GABBR2: variants seen among roughly 807,000 people sequenced by gnomAD.
GABBR2 encodes the protein G-protein coupled receptor 51.
A neutral mutation model predicts 105.6 loss-of-function variants in GABBR2; 23 were observed. That is an observed-to-expected ratio of 0.22 (90% confidence interval 0.16 to 0.31). The LOEUF is 0.31. Among genes scored for constraint, GABBR2 ranks in the 10% least tolerant of loss-of-function variants. The probability of loss-of-function intolerance (pLI) is 1.00; values close to 1 mark genes in which losing one functional copy is unlikely to be tolerated. For synonymous variants in GABBR2, 478 were observed against 499.7 expected (o/e 0.96, Z 0.58); for missense variants, 734 against 1,245.5 (o/e 0.59, Z 6.18).
At chr9:98,346,235 A>G (rs1831301903) in intron 13 of GABBR2, among the ~76,000 whole-genome samples, 1 of 152,236 alleles carries the variant, frequency 6.6e-6, no homozygotes, top group Admixed American at 6.5e-5. Context: ...TTTTACCCAC[A>G]GTAGAACTTT....
At chr9:98,648,155 A>AGATAGATAGATG (rs1342410321) in intron 1 of GABBR2, among the ~76,000 whole-genome samples, 76 of 151,298 alleles carry the variant, frequency 5.0e-4, no homozygotes, top group African/African-American at 1.7e-3. Context: ...ATAGATAGAT[A>AGATAGATAGATG]GAGTCTTACT....
At chr9:98,334,094 C>A (rs1831073588) in intron 13 of GABBR2, among the ~76,000 whole-genome samples, 1 of 152,182 alleles carries the variant, frequency 6.6e-6, no homozygotes, top group African/African-American at 2.4e-5. Flanking sequence ...TGTTGAAATC[C>A]TAGAAGAAGG....
At chr9:98,367,294 T>C (rs956512853) in intron 12 of GABBR2, among the ~76,000 whole-genome samples, 8 of 95,690 alleles carry the variant, frequency 8.4e-5, no homozygotes, top group Non-Finnish European at 1.4e-4. Flanking sequence ...AGTATATATG[T>C]CAGTAAAAAA....
At chr9:98,353,542 T>C (rs370516509) in intron 13 of GABBR2, among the ~76,000 whole-genome samples, 4 of 152,248 alleles carry the variant, frequency 2.6e-5, no homozygotes, top group African/African-American at 9.6e-5. Context: ...TCTCTATCTA[T>C]GGCACCTATA....
chr9:98,623,242 C>T (rs2778915), intron 1 of GABBR2, among the ~76,000 whole-genome samples: 36,743 of 151,986 alleles, frequency 0.24, 5,235 homozygotes, highest in East Asian at 0.48. Context: ...CTGGGCAACA[C>T]GGTAAAACCC....
At chr9:98,500,477 C>T (rs1588197750) in intron 3 of GABBR2, among the ~76,000 whole-genome samples, 1 of 152,306 alleles carries the variant, frequency 6.6e-6, no homozygotes, top group South Asian at 2.1e-4. Flanking sequence ...TGTGAGCAGG[C>T]ACCAACGGCT....
intron 6 of GABBR2, among the ~76,000 whole-genome samples, chr9:98,459,694 A>C (rs774047912): frequency 1.4e-4 from 21 of 152,384 alleles, no homozygotes; most frequent in Admixed American, 5.9e-4. Context: ...AGAGTTTAAT[A>C]GTATTGGGAA....
chr9:98,519,828 G>C (rs1320796986), intron 3 of GABBR2, among the ~76,000 whole-genome samples: 1 of 152,016 alleles, frequency 6.6e-6, no homozygotes, highest in African/African-American at 2.4e-5. Flanking sequence ...CAAATGAATG[G>C]GTGTGGCTAT....
intron 13 of GABBR2, among the ~76,000 whole-genome samples, chr9:98,317,431 T>G (rs1830737759): frequency 6.6e-6 from 1 of 152,216 alleles, no homozygotes; most frequent in Non-Finnish European, 1.5e-5. Flanking sequence ...CTGCACAAAC[T>G]GACAGGCAGG....
rs138221797 is a variant in GABBR2 at position 98,629,525 on chromosome 9, C to G, written c.322-51453G>C. Among the ~76,000 whole-genome samples the G allele has an allele frequency of 1.8e-3, 273 of 152,348 alleles. 2 individuals carry two copies. The highest frequency in any genetic ancestry group is 6.2e-3 in the African/African-American group (258 of 41,582). ...CAATAGCTTCAACATTCTCTGCCCA[C>G]AGATATTAACTGGATATAGTAGACA... On this transcript the variant is annotated intron_variant, in intron 1 of 18. Transcript: ENST00000259455.
intron 1 of GABBR2, among the ~76,000 whole-genome samples, chr9:98,622,132 A>ATATTT (rs568569955): frequency 9.8e-4 from 149 of 152,090 alleles, no homozygotes; most frequent in Non-Finnish European, 1.7e-3. Flanking sequence ...CAACTCACAT[A>ATATTT]TATTTTATTT....
intron 3 of GABBR2, among the ~76,000 whole-genome samples, chr9:98,523,291 A>G (rs1827900863): frequency 1.3e-5 from 2 of 152,248 alleles, no homozygotes; most frequent in South Asian, 4.1e-4. Flanking sequence ...AAGCACAGCC[A>G]GTAAGAATCC....
intron 1 of GABBR2, among the ~76,000 whole-genome samples, chr9:98,611,880 T>C (rs554542831): frequency 1.3e-5 from 2 of 151,398 alleles, no homozygotes; most frequent in Non-Finnish European, 3.0e-5. Context: ...TGAATGGCAA[T>C]TGACCGAGGA....
intron 1 of GABBR2, among the ~76,000 whole-genome samples, chr9:98,595,846 G>T (rs1829227166): frequency 6.6e-6 from 1 of 152,112 alleles, no homozygotes; most frequent in South Asian, 2.1e-4. Flanking sequence ...CAATGGAGAT[G>T]AGCCAATCTG....
In GABBR2 at chr9:98,588,297, A is replaced by G. The variant is rs1490971737; in HGVS notation, c.322-10225T>C. On this transcript the variant is annotated intron_variant, in intron 1 of 18. Coordinates refer to ENST00000259455, the MANE Select transcript of GABBR2 (RefSeq NM_005458.8). ...TTTTGTCATTGCAACTAATTCATTG[A>G]AACATTTTCAGTCACCTACTAAGTA... Among the ~76,000 whole-genome samples the G allele has an allele frequency of 2.6e-5, 4 of 152,366 alleles. No individual in the cohort carries two copies. The East Asian group carries it at 7.7e-4, about 29-fold the overall frequency.
At chr9:98,304,998 C>T (rs1390632307) in intron 15 of GABBR2, among the ~76,000 whole-genome samples, 3 of 115,304 alleles carry the variant, frequency 2.6e-5, no homozygotes, top group East Asian at 3.5e-4. Context: ...GTCTTGAACT[C>T]CTAGCCTCAA....
intron 13 of GABBR2, among the ~76,000 whole-genome samples, chr9:98,324,941 T>TAC (rs1201770520): frequency 6.6e-6 from 1 of 151,408 alleles, no homozygotes; most frequent in Non-Finnish European, 1.5e-5. Context: ...CACACACATA[T>TAC]ACACACACAC....
At chr9:98,336,814 TA>T (rs60984571) in intron 13 of GABBR2, among the ~76,000 whole-genome samples, 2 of 151,574 alleles carry the variant, frequency 1.3e-5, no homozygotes, top group African/African-American at 2.4e-5. Context: ...CAGAATGAAT[TA>T]AAAAAAACAT....
At chr9:98,699,147 T>C (rs1466601061) in intron 1 of GABBR2, among the ~76,000 whole-genome samples, 1 of 152,102 alleles carries the variant, frequency 6.6e-6, no homozygotes, top group African/African-American at 2.4e-5. Context: ...TCAGAACATG[T>C]TTCCTAAGTC....
Sources: gnomAD v4.1 joint callset for allele counts (sites outside exome capture counted in the v4.1 genomes callset) on GRCh38, gnomAD v4.1.1 for gene constraint, MANE v1.5 for transcripts, NCBI Gene and HGNC (gene_info 2026-07-23, HGNC 2026-07-21) for gene names.